The following SUPT20H variants were observed in gnomAD, a reference collection of about 807,000 sequenced individuals.
SUPT20H encodes transcription factor SPT20 homolog.
SUPT20H carries 82 observed loss-of-function variants against 122.8 expected under a neutral mutation model. The observed-to-expected ratio is 0.67, with a 90% CI of 0.56 to 0.80. The LOEUF is 0.80. Among genes scored for constraint, SUPT20H ranks in the 30% least tolerant of loss-of-function variants. The pLI is 0.00. For synonymous variants in SUPT20H, 291 were observed against 313.0 expected (o/e 0.93, Z 0.74); for missense variants, 831 against 921.6 (o/e 0.90, Z 1.27).
At chr13:37,031,482 T>A (rs2063318103) in intron 12 of SUPT20H, 85 bp downstream of exon 12, 4 of 849,678 alleles carry the variant, frequency 4.7e-6, no homozygotes, top group Non-Finnish European at 6.9e-6. Flanking sequence ...AGTAAGTTTT[T>A]TTTTTGTTTT....
rs896068318 is a variant in SUPT20H, at chr13:37,040,838, T to A, written c.397-146A>T. Reference sequence around the variant, plus strand: ...CTCTTCAGTAGATTTCCTTGGTAGATTTAACACTATGTAAACCTTTTCAGA... The same window carrying A: ...CTCTTCAGTAGATTTCCTTGGTAGAATTAACACTATGTAAACCTTTTCAGA... On this transcript the variant is annotated intron_variant, in intron 7 of 25. Coordinates refer to ENST00000350612, the MANE Select transcript of SUPT20H (RefSeq NM_001014286.3). 8 of 613,800 alleles carry A rather than the reference T, an allele frequency of 1.3e-5. No homozygotes were observed. The Admixed American group carries it at 2.1e-4, about 16-fold the overall frequency. 38.0% of individuals were successfully genotyped at this position (613,800 alleles called of 1,614,324 possible).
chr13:37,024,506 T>C (rs2061873445), intron 17 of SUPT20H, 64 bp from the exon 18 acceptor site: 2 of 1,076,340 alleles, frequency 1.9e-6, no homozygotes, highest in South Asian at 4.9e-5. Flanking sequence ...CCAGATGATA[T>C]TTATATTTAA....
chr13:37,043,723 C>G (rs984025166), intron 7 of SUPT20H, among the ~76,000 whole-genome samples: 17 of 151,720 alleles, frequency 1.1e-4, no homozygotes, highest in African/African-American at 3.9e-4. Flanking sequence ...CACTGCAATT[C>G]TGGTTTTCCT....
At position 37,014,284 on chromosome 13, in the gene SUPT20H, T is replaced by C. The variant is rs150615104; in HGVS notation, c.1993-1987A>G. On this transcript the variant is annotated intron_variant, in intron 23 of 25. Transcript: ENST00000350612. ...AAACAACCTTTAGCAAAAGGAAAAA[T>C]AGAAATTTTCAGTTTTGGTTGAAGA... Among the ~76,000 whole-genome samples the C allele has an allele frequency of 2.6e-3, 397 of 151,874 alleles. 2 individuals are homozygous for C. Among genetic ancestry groups the C allele is most frequent in the African/African-American group, 8.9e-3 (370 of 41,444 alleles).
rs2063343549 is a variant in SUPT20H, at chr13:37,031,613, A to G, written c.875T>C (p.Met292Thr). 5 of 1,566,028 alleles carry G rather than the reference A, an allele frequency of 3.2e-6. No homozygotes were observed. The highest frequency in any genetic ancestry group is 1.2e-5 in the South Asian group (1 of 80,756). The change falls in exon 12 of 26, where the codon ATG becomes ACG. Residue 292 changes from methionine (M) to threonine (T), a missense_variant. By Grantham distance (81) the Met-to-Thr change is moderately conservative. Transcript: ENST00000350612. ...CAAATTACAGGGACTCCGTTTCCAC[A>G]TATCTACACACTGAAAAATTAAAAA... ...KISKAGNCVD[M>T]WKRSPCNLAI...
chr13:37,058,261 G>A (rs1223507432), intron 1 of SUPT20H, among the ~76,000 whole-genome samples: 5 of 152,168 alleles, frequency 3.3e-5, no homozygotes, highest in Non-Finnish European at 2.9e-5. Flanking sequence ...GTGAAACTCC[G>A]TCTGAAACTT....
At chr13:37,026,342 T>C (rs1420862091) in intron 15 of SUPT20H, 106 bp from the exon 16 acceptor site, 2 of 817,210 alleles carry the variant, frequency 2.4e-6, no homozygotes, top group Non-Finnish European at 3.5e-6. Flanking sequence ...CACAGTAATA[T>C]AAACTGGTAT....
At chr13:37,057,438 T>C (rs984802385) in intron 1 of SUPT20H, among the ~76,000 whole-genome samples, 29 of 151,438 alleles carry the variant, frequency 1.9e-4, no homozygotes, top group African/African-American at 7.0e-4. Flanking sequence ...GCACAACTTC[T>C]GATGACAGAA....
intron 1 of SUPT20H, among the ~76,000 whole-genome samples, chr13:37,056,140 A>G (rs1453078123): frequency 1.3e-5 from 2 of 152,222 alleles, no homozygotes; most frequent in East Asian, 3.8e-4. Flanking sequence ...GATGTGGAGA[A>G]ATAGGAACAC....
chr13:37,011,022 G>GT (rs2059529137), intron 24 of SUPT20H, among the ~76,000 whole-genome samples: 5 of 152,156 alleles, frequency 3.3e-5, no homozygotes, highest in Admixed American at 3.3e-4. Context: ...CCAAACTATT[G>GT]TAACAACAAA....
At chr13:37,020,041 G>C (rs1472928178) in intron 21 of SUPT20H, among the ~76,000 whole-genome samples, 1 of 152,086 alleles carries the variant, frequency 6.6e-6, no homozygotes, top group African/African-American at 2.4e-5. Context: ...AATGGCCTCT[G>C]CTGCATTTTC....
intron 21 of SUPT20H, among the ~76,000 whole-genome samples, chr13:37,020,061 T>G (rs1227305961): frequency 2.0e-5 from 3 of 152,194 alleles, no homozygotes. Context: ...CTTTTCATAA[T>G]CCTATAAAAA....
intron 9 of SUPT20H, among the ~76,000 whole-genome samples, chr13:37,035,475 G>A (rs2064175445): frequency 6.6e-6 from 1 of 151,656 alleles, no homozygotes; most frequent in Admixed American, 6.6e-5. Flanking sequence ...ATAATCTCAT[G>A]ATCAAACTTG....
intron 2 of SUPT20H, among the ~76,000 whole-genome samples, chr13:37,049,989 A>T (rs2139141027): frequency 6.6e-6 from 1 of 152,300 alleles, no homozygotes; most frequent in South Asian, 2.1e-4. Context: ...CCAAAGTCCC[A>T]GGAGGGTAAG....
In SUPT20H at chr13:37,029,845, T is replaced by A. The variant is rs1450398355; in HGVS notation, c.922-9A>T. The A allele has an allele frequency of 6.3e-7, 1 of 1,582,848 alleles. No homozygotes were observed. Among genetic ancestry groups the A allele is most frequent in the Non-Finnish European group, 8.6e-7 (1 of 1,165,262 alleles). The stretch of plus-strand genomic sequence containing the variant: ...TTAGCATATTTCTCCACCTAAACAA[T>A]CAAATCAAGAAATACCACATAAAAT... On this transcript the variant is annotated splice_polypyrimidine_tract_variant and intron_variant, in intron 12 of 25. Transcript: ENST00000350612.
In SUPT20H at chr13:37,045,361, T is replaced by G. The variant is rs775833764; in HGVS notation, c.178A>C (p.Asn60His). The change falls in exon 6 of 26, where the codon AAT (asparagine) becomes CAT (histidine). Residue 60 changes from asparagine (N) to histidine (H), a missense_variant. Asn to His is a moderately conservative substitution (Grantham distance 68, BLOSUM62 1). Coordinates refer to ENST00000350612, the MANE Select transcript of SUPT20H (RefSeq NM_001014286.3). The part of the protein sequence containing the change: ...KEPEVKKLRR[N>H]VNLLEKLVMQ... Reference sequence around the variant, plus strand: ...ACAAGCTTCTCTAACAAGTTCACATTTCTTCTTAATTTCTGCTTTAAAAAG... The same window carrying G: ...ACAAGCTTCTCTAACAAGTTCACATGTCTTCTTAATTTCTGCTTTAAAAAG... The G allele has an allele frequency of 6.2e-7, 1 of 1,613,382 alleles. No homozygotes were observed. Among genetic ancestry groups the G allele is most frequent in the Non-Finnish European group, 8.5e-7 (1 of 1,179,604 alleles).
intron 12 of SUPT20H, 90 bp downstream of exon 12, chr13:37,031,477 G>GT (rs558757620): frequency 0.024 from 16,660 of 689,012 alleles, no homozygotes; most frequent in South Asian, 0.031. Context: ...TTTAAAGTAA[G>GT]TTTTTTTTTT....
In SUPT20H at chr13:37,021,512, A is replaced by ATCTCGG; in HGVS notation, c.1751_1752insCCGAGA (p.Leu584_Leu585insArgAsp). On this transcript the variant is annotated inframe_insertion, in exon 21 of 26. Transcript: ENST00000350612. ...TTGGTAGCAGACCTCCTGAGGGTAGAAGGCCGCTCAGGTTTATTCCTGCAG... is the reference window on the plus strand; with the variant it reads ...TTGGTAGCAGACCTCCTGAGGGTAGATCTCGGAGGCCGCTCAGGTTTATTCCTGCAG... The ATCTCGG allele has an allele frequency of 6.2e-7, 1 of 1,613,882 alleles. No homozygotes were observed. The highest frequency in any genetic ancestry group is 2.2e-5 in the East Asian group (1 of 44,864).
chr13:37,049,425 T>C (rs2067172865), intron 2 of SUPT20H, among the ~76,000 whole-genome samples: 1 of 152,098 alleles, frequency 6.6e-6, no homozygotes, highest in Admixed American at 6.6e-5. Context: ...CACATATGAA[T>C]AAAAGTACTA....
Sources: allele counts gnomAD v4.1 joint callset (sites outside exome capture counted in the v4.1 genomes callset), GRCh38; gene constraint gnomAD v4.1.1; transcripts MANE v1.5; gene names NCBI Gene and HGNC (gene_info 2026-07-23, HGNC 2026-07-21).